The following ARMC8 variants were observed in gnomAD, a reference collection of about 807,000 sequenced individuals.
The protein encoded by ARMC8 is armadillo repeat containing 8.
A neutral mutation model predicts 99.3 loss-of-function variants in ARMC8; 20 were observed. The observed-to-expected ratio is 0.20, with a 90% CI of 0.14 to 0.29. The LOEUF is 0.29. ARMC8 is among the 10% of genes least tolerant of loss of function. The pLI is 1.00. For synonymous variants in ARMC8, 263 were observed against 278.3 expected (o/e 0.95, Z 0.55); for missense variants, 569 against 809.5 (o/e 0.70, Z 3.60).
intron 7 of ARMC8, among the ~76,000 whole-genome samples, chr3:138,236,903 A>G (rs771065708): frequency 3.9e-5 from 6 of 152,142 alleles, no homozygotes; most frequent in Non-Finnish European, 8.8e-5. Flanking sequence ...TTTTATTGTA[A>G]TATTGTTTCC....
At chr3:138,211,420 C>T (rs980196447) in intron 2 of ARMC8, among the ~76,000 whole-genome samples, 1 of 152,042 alleles carries the variant, frequency 6.6e-6, no homozygotes, top group South Asian at 2.1e-4. Flanking sequence ...GTAGCTGATT[C>T]GAATGTTGTC....
chr3:138,294,725 A>G (rs1468747366), intron 21 of ARMC8, among the ~76,000 whole-genome samples: 1 of 152,006 alleles, frequency 6.6e-6, no homozygotes, highest in Non-Finnish European at 1.5e-5. Flanking sequence ...CTGACTTCCT[A>G]ACTCCCACGA....
rs568545193 is a variant in ARMC8 at position 138,217,612 on chromosome 3, T to C, written c.123-4314T>C. ...AGAAAGTTTAACCTCTGTGTAAATG[T>C]GGGAGCTTATCAAGTCCATTTATTA... On this transcript the variant is annotated intron_variant, in intron 2 of 21. Coordinates refer to ENST00000469044, the MANE Select transcript of ARMC8 (RefSeq NM_001363941.2). Among the ~76,000 whole-genome samples, 3 of 152,286 alleles carry C rather than the reference T, an allele frequency of 2.0e-5. No homozygotes were observed. In the South Asian group the frequency reaches 6.2e-4, roughly 32 times the overall value.
intron 12 of ARMC8, among the ~76,000 whole-genome samples, chr3:138,247,741 G>A (rs2046948377): frequency 6.6e-6 from 1 of 152,128 alleles, no homozygotes; most frequent in African/African-American, 2.4e-5. Context: ...GGTCTGCTGT[G>A]TTTTCATTTC....
intron 12 of ARMC8, chr3:138,261,673 G>A (rs1045536434): frequency 6.6e-6 from 1 of 152,116 alleles, no homozygotes; most frequent in Non-Finnish European, 1.5e-5. Flanking sequence ...GTTAAAGTTT[G>A]GACACTTAAA....
At chr3:138,200,775 A>T (rs1343069737) in intron 1 of ARMC8, among the ~76,000 whole-genome samples, 1 of 152,168 alleles carries the variant, frequency 6.6e-6, no homozygotes, top group East Asian at 1.9e-4. Context: ...AGCACTTGGA[A>T]ACAAAATATG....
chr3:138,202,848 C>T (rs2044157011), intron 1 of ARMC8, among the ~76,000 whole-genome samples: 1 of 152,170 alleles, frequency 6.6e-6, no homozygotes, highest in Non-Finnish European at 1.5e-5. Context: ...TTTTATTCTT[C>T]ATTGTCTAAT....
Position 138,187,552 on chromosome 3 carries a change from A to C in ARMC8, c.-3A>C. On this transcript the variant is annotated 5_prime_UTR_variant, in exon 1 of 22. Coordinates refer to ENST00000469044, the MANE Select transcript of ARMC8 (RefSeq NM_001363941.2). ...CTGCAGCAGCCGGGTGGGAAGGCTCAAGATGGCGTGCTTGTTGGAGACCCC... is the reference window on the plus strand; with the variant it reads ...CTGCAGCAGCCGGGTGGGAAGGCTCCAGATGGCGTGCTTGTTGGAGACCCC... The C allele has an allele frequency of 6.5e-7, 1 of 1,535,850 alleles. No homozygotes were observed.
chr3:138,289,228 C>G, intron 20 of ARMC8, 108 bp downstream of exon 20: 1 of 823,880 alleles, frequency 1.2e-6, no homozygotes, highest in Non-Finnish European at 1.9e-6. Flanking sequence ...TGTTCTTGGA[C>G]CATCTGGCCC....
intron 5 of ARMC8, among the ~76,000 whole-genome samples, chr3:138,227,078 A>G (rs888071250): frequency 2.6e-5 from 4 of 152,200 alleles, no homozygotes; most frequent in African/African-American, 9.7e-5. Flanking sequence ...TGGCAGTAGA[A>G]TAGAGATGGG....
chr3:138,283,409 G>A (rs565029497), intron 18 of ARMC8, among the ~76,000 whole-genome samples: 27 of 152,278 alleles, frequency 1.8e-4, no homozygotes, highest in Admixed American at 3.9e-4. Flanking sequence ...CACTTCCTCC[G>A]GGAAGTTTTC....
intron 5 of ARMC8, among the ~76,000 whole-genome samples, chr3:138,227,699 T>C (rs934245763): frequency 6.6e-6 from 1 of 152,232 alleles, no homozygotes; most frequent in Non-Finnish European, 1.5e-5. Flanking sequence ...TTTTTTTCTT[T>C]GTCCTCTGTT....
chr3:138,290,632 T>C lies in ARMC8; in HGVS notation c.1981T>C (p.Cys661Arg), dbSNP rs1379377117. 10 of 1,597,238 alleles carry C rather than the reference T, an allele frequency of 6.3e-6. No individual in the cohort carries two copies. Among genetic ancestry groups the C allele is most frequent in the African/African-American group, 1.3e-5 (1 of 74,860 alleles). Residue 661 changes from cysteine to arginine, a missense_variant, in exon 21 of 22, where the codon TGT becomes CGT. Transcript: ENST00000469044. Reference protein sequence around the residue: ...KLSQSPDSNLCDKAKMALQQY... With the variant: ...KLSQSPDSNLRDKAKMALQQY... ...GAGTCAGTCACCAGATTCAAACCTT[T>C]GTGACAAGTGAGTATGAATGTGAAA...
intron 9 of ARMC8, chr3:138,238,768 A>G (rs1330944888): frequency 6.6e-6 from 1 of 152,232 alleles, no homozygotes; most frequent in Non-Finnish European, 1.5e-5. Context: ...GTAGAAGCCA[A>G]CGTGAGATGT....
chr3:138,199,170 C>A (rs1315652796), intron 1 of ARMC8, among the ~76,000 whole-genome samples: 3 of 151,922 alleles, frequency 2.0e-5, no homozygotes, highest in Admixed American at 2.0e-4. Context: ...TGAAACTTGA[C>A]GTACCAAAAA....
chr3:138,197,056 AGGCCTGGGATGCAAAGCTAGGTTATCT>A (rs1244968008), intron 1 of ARMC8, among the ~76,000 whole-genome samples: 1 of 152,218 alleles, frequency 6.6e-6, no homozygotes, highest in Non-Finnish European at 1.5e-5. Flanking sequence ...ATTGTGTAGC[AGGCCTGGGATGCAAAGCTAGGTTATCT>A]GGAGATCCAA....
chr3:138,222,649 C>G (rs1446055283), intron 3 of ARMC8, among the ~76,000 whole-genome samples: 1 of 151,950 alleles, frequency 6.6e-6, no homozygotes, highest in African/African-American at 2.4e-5. Flanking sequence ...GGTTTTGATA[C>G]AGAATTAATG....
intron 1 of ARMC8, among the ~76,000 whole-genome samples, chr3:138,208,684 T>G (rs190954429): frequency 6.6e-6 from 1 of 152,146 alleles, no homozygotes; most frequent in Non-Finnish European, 1.5e-5. Flanking sequence ...GGGGAGTATA[T>G]AAAGATATTT....
At chr3:138,209,200 G>A (rs2044559906) in intron 1 of ARMC8, among the ~76,000 whole-genome samples, 1 of 152,170 alleles carries the variant, frequency 6.6e-6, no homozygotes, top group Non-Finnish European at 1.5e-5. Context: ...ATACGTACAT[G>A]ACACCCAGCA....
Sources: allele counts gnomAD v4.1 joint callset (sites outside exome capture counted in the v4.1 genomes callset), GRCh38; gene constraint gnomAD v4.1.1; transcripts MANE v1.5; gene names NCBI Gene and HGNC (gene_info 2026-07-23, HGNC 2026-07-21).